Variants in GLI3 observed in about 807,000 individuals in gnomAD.
GLI3 encodes the protein transcription activator GLI3.
Under a neutral mutation model 100.8 loss-of-function variants are expected in GLI3, and 20 were observed. The observed-to-expected ratio is 0.20, with a 90% confidence interval of 0.14 to 0.29. GLI3 has a LOEUF of 0.29. Among genes scored for constraint, GLI3 ranks in the 10% least tolerant of loss-of-function variants. The pLI, the probability that GLI3 is intolerant of heterozygous loss-of-function variation, is 1.00. For missense variants in GLI3, 2,040 were observed against 2,128.5 expected (o/e 0.96, Z 0.82); for synonymous variants, 938 against 860.5 (o/e 1.09, Z -1.58).
At chr7:41,988,987 C>T (rs1218767256) in intron 10 of GLI3, among the ~76,000 whole-genome samples, 4 of 152,144 alleles carry the variant, frequency 2.6e-5, no homozygotes, top group Admixed American at 6.5e-5. Context: ...AGTAAAGTGA[C>T]GTGTGTAAAC....
chr7:41,993,853 A>G (rs1177387188), intron 10 of GLI3, among the ~76,000 whole-genome samples: 1 of 152,136 alleles, frequency 6.6e-6, no homozygotes, highest in African/African-American at 2.4e-5. Context: ...AATCTGATAA[A>G]CCTCAGCATC....
intron 10 of GLI3, among the ~76,000 whole-genome samples, chr7:42,018,250 A>G (rs571874278): frequency 1.3e-5 from 2 of 152,342 alleles, no homozygotes; most frequent in Admixed American, 1.3e-4. Flanking sequence ...CTTAGTCTAT[A>G]TTTTATATGC....
upstream of GLI3, among the ~76,000 whole-genome samples, chr7:42,241,470 T>C (rs1158374372): frequency 6.6e-6 from 1 of 152,206 alleles, no homozygotes; most frequent in African/African-American, 2.4e-5. Flanking sequence ...GGTAGATCCC[T>C]GGCCACATGA....
rs76881606 is a variant in GLI3, at chr7:42,219,295, A to G, written c.124+3835T>C. ...TCGTCATTTACACTTCAAATATAAC[A>G]ATAAAATTTAAAATCAGACTATGGG... On this transcript the variant is annotated intron_variant, in intron 2 of 14. Coordinates refer to ENST00000395925, the MANE Select transcript of GLI3 (RefSeq NM_000168.6). 4.7e-3 allele frequency among the ~76,000 whole-genome samples: 714 copies of G among 152,256 alleles called. 4 individuals carry two copies. The highest frequency in any genetic ancestry group is 0.016 in the African/African-American group (678 of 41,478).
intron 1 of GLI3, among the ~76,000 whole-genome samples, chr7:42,262,539 C>T (rs1168130219): frequency 6.6e-6 from 1 of 152,134 alleles, no homozygotes; most frequent in African/African-American, 2.4e-5. Flanking sequence ...GGATTACAGG[C>T]CTGAGTCACT....
intron 3 of GLI3, among the ~76,000 whole-genome samples, chr7:42,130,347 G>A (rs116984912): frequency 0.021 from 3,224 of 152,080 alleles, 78 homozygotes; most frequent in Admixed American, 0.087. Flanking sequence ...GTTTTATGAG[G>A]AGAAAAAAGG....
In GLI3 at chr7:42,076,780, C is replaced by G. The variant is rs960718476; in HGVS notation, c.445G>C (p.Asp149His). The G allele has an allele frequency of 3.7e-6, 6 of 1,608,198 alleles. No individual in the cohort carries two copies. Among genetic ancestry groups the G allele is most frequent in the African/African-American group, 1.3e-5 (1 of 74,762 alleles). ...ARHHEGRYHY[D>H]PSPIPPLHMT... ...TGCAATGGAGGAATCGGAGATGGAT[C>G]GTAATGGTAACGGCCCTCATGATGT... The change falls in exon 4 of 15, where the codon GAT becomes CAT. Residue 149 changes from aspartate to histidine, a missense_variant. Coordinates refer to ENST00000395925, the MANE Select transcript of GLI3 (RefSeq NM_000168.6).
At chr7:42,225,236 T>TA (rs1443085697) in intron 1 of GLI3, among the ~76,000 whole-genome samples, 5 of 152,236 alleles carry the variant, frequency 3.3e-5, no homozygotes, top group Non-Finnish European at 5.9e-5. Context: ...CAGTGCTTGC[T>TA]AAGCATTCAG....
intron 10 of GLI3, among the ~76,000 whole-genome samples, chr7:41,993,026 C>T (rs1331766266): frequency 1.3e-5 from 2 of 152,188 alleles, no homozygotes; most frequent in Admixed American, 6.5e-5. Flanking sequence ...CTGCAAAATT[C>T]AGTTCTGTGC....
chr7:42,088,271 A>C (rs1785146140), intron 3 of GLI3, among the ~76,000 whole-genome samples: 1 of 152,200 alleles, frequency 6.6e-6, no homozygotes, highest in Non-Finnish European at 1.5e-5. Context: ...TCCACCGTCC[A>C]CTTTGCAGCT....
chr7:42,262,733 C>T (rs1368539042), intron 1 of GLI3, among the ~76,000 whole-genome samples: 2 of 152,158 alleles, frequency 1.3e-5, no homozygotes, highest in African/African-American at 4.8e-5. Context: ...TATTTATCAG[C>T]CCAAATACCT....
At chr7:42,262,240 C>CCTTCCTTCCTTCCTTCCTTCCTTT in intron 1 of GLI3, among the ~76,000 whole-genome samples, 1 of 144,588 alleles carries the variant, frequency 6.9e-6, no homozygotes, top group East Asian at 2.0e-4. Context: ...TTCCTTCCTT[C>CCTTCCTTCCTTCCTTCCTTCCTTT]CTTCCTTTCT....
In GLI3 at chr7:41,964,913, G is replaced by A. The variant is rs759246622; in HGVS notation, c.4160C>T (p.Ala1387Val). The part of the protein sequence containing the change: ...LAVVRGYQPC[A>V]SFGGSRRQAM... ...CTGGCGCCTGCTGCCCCCAAAGCTG[G>A]CACATGGCTGGTAGCCCCTGACAAC... The change falls in exon 15 of 15, where the codon GCC (alanine) becomes GTC (valine). Residue 1387 changes from alanine to valine, a missense_variant. Physicochemically the swap from Ala to Val is moderately conservative, Grantham distance 64 (BLOSUM62 0). Around this residue, in one of 5 missense-constraint regions of GLI3, gnomAD observed 1,041 missense variants for 924.0 expected, o/e 1.13. Transcript: ENST00000395925. 1 of 1,613,668 alleles carries A rather than the reference G, an allele frequency of 6.2e-7. No individual in the cohort carries two copies. Among genetic ancestry groups the A allele is most frequent in the African/African-American group, 1.3e-5 (1 of 74,930 alleles).
chr7:42,253,432 C>T (rs986196178), intron 1 of GLI3, among the ~76,000 whole-genome samples: 9 of 152,318 alleles, frequency 5.9e-5, no homozygotes, highest in Admixed American at 5.9e-4. Flanking sequence ...ACCTGCTGTG[C>T]CACCCTTTGA....
intron 10 of GLI3, 24 bp downstream of exon 10, chr7:42,023,444 G>C: frequency 1.9e-6 from 3 of 1,613,416 alleles, no homozygotes; most frequent in Non-Finnish European, 2.5e-6. Flanking sequence ...TGTAAAGCTC[G>C]GTTCCTGAAT....
At position 41,966,138 on chromosome 7, in the gene GLI3, A is replaced by T; in HGVS notation, c.2935T>A (p.Cys979Ser). 6.3e-7 allele frequency: 1 copy of T among 1,591,292 alleles called. No homozygotes were observed. Among genetic ancestry groups the T allele is most frequent in the South Asian group, 1.1e-5 (1 of 89,258 alleles). The part of the protein sequence containing the change: ...ALPPVHAPRR[C>S]SDGGAHGYGR... ...TAGCCGTGGGCTCCCCCGTCGCTGCACCTCCTCGGGGCATGAACTGGAGGC... is the reference window on the plus strand; with the variant it reads ...TAGCCGTGGGCTCCCCCGTCGCTGCTCCTCCTCGGGGCATGAACTGGAGGC... The change falls in exon 15 of 15, where the codon TGC becomes AGC. Residue 979 changes from cysteine to serine, a missense_variant. Cys to Ser is a moderately radical substitution (Grantham distance 112). Transcript: ENST00000395925. This position sits in a 1 kb window ranked among gnomAD's most constrained non-coding sequence, Gnocchi z 5.8.
chr7:42,243,482 G>A (rs894970020), intron 1 of GLI3, among the ~76,000 whole-genome samples: 3 of 152,124 alleles, frequency 2.0e-5, no homozygotes, highest in Non-Finnish European at 4.4e-5. Flanking sequence ...AAGAGAACAG[G>A]CCTGGATTTA....
intron 10 of GLI3, among the ~76,000 whole-genome samples, chr7:42,002,276 A>G (rs1280446760): frequency 6.6e-6 from 1 of 152,240 alleles, no homozygotes; most frequent in African/African-American, 2.4e-5. Context: ...TATATTAGTG[A>G]TAATAATCTT....
intron 2 of GLI3, among the ~76,000 whole-genome samples, chr7:42,185,487 T>C (rs916273859): frequency 6.6e-6 from 1 of 152,242 alleles, no homozygotes; most frequent in Non-Finnish European, 1.5e-5. Context: ...ATTTTTCCTA[T>C]AATTATGGCA....
Sources: allele counts gnomAD v4.1 joint callset (sites outside exome capture counted in the v4.1 genomes callset), GRCh38; gene constraint gnomAD v4.1.1; regional missense constraint gnomAD v4.1.1; non-coding constraint Gnocchi (gnomAD v3.1); transcripts MANE v1.5; gene names NCBI Gene and HGNC (gene_info 2026-07-23, HGNC 2026-07-21).